FHIT: variants seen among roughly 807,000 people sequenced by gnomAD.
FHIT encodes the protein bis(5'-adenosyl)-triphosphatase.
Under a neutral mutation model 17.9 loss-of-function variants are expected in FHIT, and 19 were observed. The observed-to-expected ratio is 1.06, with a 90% CI of 0.74 to 1.56. FHIT has a LOEUF of 1.56. Ranked by LOEUF, FHIT falls within the 40% of genes most tolerant of loss-of-function variation. The pLI is 0.00. For missense variants in FHIT, 248 were observed against 189.2 expected (o/e 1.31, Z -1.82); for synonymous variants, 81 against 69.7 (o/e 1.16, Z -0.81).
At chr3:59,945,623 A>C (rs946777956) in intron 7 of FHIT, among the ~76,000 whole-genome samples, 2 of 151,524 alleles carry the variant, frequency 1.3e-5, no homozygotes, top group African/African-American at 4.9e-5. Flanking sequence ...GGTATTTCCT[A>C]AGTTATCTTC....
At chr3:60,192,022 G>C (rs548415731) in intron 5 of FHIT, among the ~76,000 whole-genome samples, 7 of 151,956 alleles carry the variant, frequency 4.6e-5, no homozygotes, top group African/African-American at 7.3e-5. Context: ...AGACTGAGGC[G>C]GGTGGATTAC....
chr3:61,051,548 T>C (rs1425558680), intron 2 of FHIT, among the ~76,000 whole-genome samples: 1 of 152,134 alleles, frequency 6.6e-6, no homozygotes, highest in Non-Finnish European at 1.5e-5. Context: ...CACCCCTGGC[T>C]TCTTGGGTTA....
chr3:61,215,741 A>T (rs2039652655), intron 1 of FHIT, among the ~76,000 whole-genome samples: 1 of 152,236 alleles, frequency 6.6e-6, no homozygotes, highest in Admixed American at 6.5e-5. Flanking sequence ...CTGACTTCAA[A>T]CTATACTACA....
chr3:61,031,472 G>T (rs1188666849), intron 3 of FHIT, among the ~76,000 whole-genome samples: 1 of 130,780 alleles, frequency 7.6e-6, no homozygotes, highest in Non-Finnish European at 1.7e-5. Context: ...TTACTTTATA[G>T]AGAGAAAGAG....
intron 4 of FHIT, among the ~76,000 whole-genome samples, chr3:60,602,514 G>GA (rs71092619): frequency 0.3 from 45,196 of 151,542 alleles, 7,164 homozygotes; most frequent in East Asian, 0.58. Flanking sequence ...TTCTTGGAGA[G>GA]AAAAAAAATT....
chr3:60,109,318 G>C (rs1017435563), intron 5 of FHIT, among the ~76,000 whole-genome samples: 1 of 152,126 alleles, frequency 6.6e-6, no homozygotes, highest in African/African-American at 2.4e-5. Context: ...AGCAGAGTTT[G>C]TGTTTGAACT....
intron 7 of FHIT, among the ~76,000 whole-genome samples, chr3:59,954,230 T>TTG: frequency 6.7e-6 from 1 of 148,924 alleles, no homozygotes. Flanking sequence ...TGTTTTTTTT[T>TTG]CTTTTTTTTC....
At chr3:59,751,868 G>C (rs3821474) in intron 9 of FHIT, 152,932 of 255,522 alleles carry the variant, frequency 0.6, 46,348 homozygotes, top group Admixed American at 0.67. Context: ...ACACCTTTAA[G>C]TTAAGTTGGG....
intron 2 of FHIT, among the ~76,000 whole-genome samples, chr3:61,163,479 T>C (rs2037753585): frequency 6.6e-6 from 1 of 152,220 alleles, no homozygotes; most frequent in Admixed American, 6.5e-5. Context: ...AAATATGGCA[T>C]GTCGGCATTT....
chr3:60,038,467 A>C (rs1320349641), intron 5 of FHIT, among the ~76,000 whole-genome samples: 1 of 152,196 alleles, frequency 6.6e-6, no homozygotes, highest in Non-Finnish European at 1.5e-5. Flanking sequence ...CCCTTAAATA[A>C]TATTTTCAGG....
intron 3 of FHIT, among the ~76,000 whole-genome samples, chr3:60,991,845 T>G (rs6797228): frequency 0.53 from 80,111 of 151,814 alleles, 22,456 homozygotes; most frequent in East Asian, 0.66. Context: ...AAGAGAAGCA[T>G]AAGGTAAAGC....
intron 3 of FHIT, among the ~76,000 whole-genome samples, chr3:61,037,640 GAATT>G (rs2033320542): frequency 6.6e-6 from 1 of 152,334 alleles, no homozygotes; most frequent in African/African-American, 2.4e-5. Context: ...CCTCATGAAT[GAATT>G]AATTATGTTA....
chr3:59,764,760 A>C (rs1314621049), intron 8 of FHIT, among the ~76,000 whole-genome samples: 1 of 152,132 alleles, frequency 6.6e-6, no homozygotes, highest in East Asian at 1.9e-4. Flanking sequence ...CTTGAAAGAA[A>C]CTGAGATTTC....
intron 5 of FHIT, among the ~76,000 whole-genome samples, chr3:60,166,402 A>G (rs1156600010): frequency 6.6e-6 from 1 of 152,194 alleles, no homozygotes; most frequent in Non-Finnish European, 1.5e-5. Context: ...CTGCTATTTC[A>G]AACTTCCAGG....
chr3:60,195,695 A>T (rs993914332), intron 5 of FHIT, among the ~76,000 whole-genome samples: 1 of 150,188 alleles, frequency 6.7e-6, no homozygotes, highest in African/African-American at 2.4e-5. Context: ...CTACTCAACC[A>T]TAAACAAGAA....
chr3:60,438,525 C>T (rs1489443659), intron 5 of FHIT, among the ~76,000 whole-genome samples: 1 of 152,100 alleles, frequency 6.6e-6, no homozygotes, highest in Non-Finnish European at 1.5e-5. Flanking sequence ...TCAAAATATG[C>T]TTTTCTTTTG....
At chr3:60,363,068 G>A (rs1265194461) in intron 5 of FHIT, among the ~76,000 whole-genome samples, 1 of 152,088 alleles carries the variant, frequency 6.6e-6, no homozygotes. Context: ...TGAGAGACAG[G>A]TAAAAGTTTC....
intron 2 of FHIT, among the ~76,000 whole-genome samples, chr3:61,144,870 T>C (rs889633490): frequency 3.9e-5 from 6 of 152,172 alleles, no homozygotes; most frequent in African/African-American, 1.2e-4. Context: ...CCTATTCAGA[T>C]ACTTTGCACA....
intron 4 of FHIT, among the ~76,000 whole-genome samples, chr3:60,700,117 C>T (rs1353375871): frequency 1.5e-4 from 18 of 120,990 alleles, no homozygotes; most frequent in African/African-American, 2.1e-4. Context: ...GGCAGCAGAG[C>T]GAGAGTCTGT....
Sources: gnomAD v4.1 joint callset for allele counts (sites outside exome capture counted in the v4.1 genomes callset) on GRCh38, gnomAD v4.1.1 for gene constraint, MANE v1.5 for transcripts, NCBI Gene and HGNC (gene_info 2026-07-23, HGNC 2026-07-21) for gene names.